LTF: variants seen among roughly 807,000 people sequenced by gnomAD.
LTF encodes lactotransferrin, also known as epididymis luminal protein 110.
In LTF, 91 loss-of-function variants were observed where a neutral mutation model predicts 87.2. The observed-to-expected ratio is 1.04, with a 90% CI of 0.88 to 1.24. The LOEUF is 1.24. Among genes scored for constraint, LTF ranks in the 50% most tolerant of loss-of-function variants. The pLI is 0.00. For missense variants in LTF, 901 were observed against 904.3 expected, an observed-to-expected ratio of 1.00 and a Z score of 0.05; for synonymous variants, 378 against 356.1, an observed-to-expected ratio of 1.06 and a Z score of -0.69.
chr3:46,449,828 C>T (rs994492378), intron 8 of LTF, 26 bp downstream of exon 8: 1 of 1,613,436 alleles, frequency 6.2e-7, no homozygotes, highest in African/African-American at 1.3e-5. Context: ...CCAGGCGGAC[C>T]TCAGGACCCT....
At chr3:46,481,998 G>A (rs1703436121) in intron 1 of LTF, among the ~76,000 whole-genome samples, 1 of 152,142 alleles carries the variant, frequency 6.6e-6, no homozygotes, top group Non-Finnish European at 1.5e-5. Flanking sequence ...GAAAAACACT[G>A]CACATGTCTC....
intron 1 of LTF, chr3:46,460,601 C>T (rs1575321933): frequency 2.2e-6 from 1 of 455,026 alleles, no homozygotes; most frequent in Non-Finnish European, 4.4e-6. Context: ...AAAAAACCTG[C>T]AATGAACATC....
At chr3:46,468,163 G>T, upstream of LTF, 1 of 456,446 alleles carries the variant, frequency 2.2e-6, no homozygotes. Context: ...GATCCTGTTT[G>T]TAATGTGTTG....
intron 1 of LTF, among the ~76,000 whole-genome samples, chr3:46,461,447 A>G (rs550368635): frequency 1.3e-5 from 2 of 152,378 alleles, no homozygotes; most frequent in African/African-American, 4.8e-5. Context: ...TCAATGGAAT[A>G]TTACTCAGCA....
chr3:46,475,604 A>C (rs983627692), intron 1 of LTF, among the ~76,000 whole-genome samples: 2 of 151,662 alleles, frequency 1.3e-5, no homozygotes, highest in African/African-American at 4.8e-5. Context: ...ATGGCCCTGC[A>C]AGGCATTACC....
chr3:46,466,573 A>G (rs1290897170), upstream of LTF, among the ~76,000 whole-genome samples: 1 of 152,204 alleles, frequency 6.6e-6, no homozygotes, highest in Non-Finnish European at 1.5e-5. Flanking sequence ...TGATCCTGCC[A>G]AGGCACAGGG....
At chr3:46,484,516 C>A (rs4683237) in intron 1 of LTF, among the ~76,000 whole-genome samples, 2,384 of 152,252 alleles carry the variant, frequency 0.016, 55 homozygotes, top group African/African-American at 0.054. Context: ...CACCCCTACC[C>A]TTGCTCCCCT....
At chr3:46,472,942 C>T (rs1402254112) in intron 1 of LTF, among the ~76,000 whole-genome samples, 3 of 152,114 alleles carry the variant, frequency 2.0e-5, no homozygotes, top group Non-Finnish European at 2.9e-5. Flanking sequence ...GGCCAGACTC[C>T]CCATGTCTCT....
chr3:46,451,740 G>A (rs538378083), intron 6 of LTF, among the ~76,000 whole-genome samples: 6 of 152,186 alleles, frequency 3.9e-5, no homozygotes, highest in East Asian at 3.9e-4. Flanking sequence ...GACCACAAGC[G>A]CACGCCACCA....
chr3:46,482,655 AGAAAGAAGGAAG>A (rs1199154118), intron 1 of LTF, among the ~76,000 whole-genome samples: 888 of 86,988 alleles, frequency 0.01, 8 homozygotes, highest in Non-Finnish European at 0.013. Context: ...AAAGAAAGAA[AGAAAGAAGGAAG>A]GAAGGAAGGA....
rs770748411 is a variant in LTF at position 46,450,644 on chromosome 3, C to T, written c.733G>A (p.Glu245Lys). ...TTGTCTGGGCAGAGTAACTCATACT[C>T]GTCCCTTTCAGCCTCGTCTGACAGG... ...EDLSDEAERD[E>K]YELLCPDNTR... Residue 245 changes from glutamate to lysine, a missense_variant, in exon 7 of 17, where the codon GAG becomes AAG. By Grantham distance (56) the Glu-to-Lys change is moderately conservative. Transcript: ENST00000231751. The T allele has an allele frequency of 9.9e-6, 16 of 1,613,308 alleles. No individual in the cohort carries two copies. The South Asian group carries it at 1.2e-4, about 12-fold the overall frequency.
chr3:46,472,529 A>AT (rs1703307111), intron 1 of LTF, among the ~76,000 whole-genome samples: 2 of 107,966 alleles, frequency 1.9e-5, no homozygotes, highest in Non-Finnish European at 3.7e-5. Context: ...TGTGTGTGTG[A>AT]GAGAGAGAGA....
At chr3:46,438,281 G>A in intron 15 of LTF, 152 bp from the exon 16 acceptor site, 1 of 680,910 alleles carries the variant, frequency 1.5e-6, no homozygotes, top group Non-Finnish European at 2.5e-6. Flanking sequence ...CCTCCTTAGT[G>A]GAGTCCCCCA....
intron 1 of LTF, among the ~76,000 whole-genome samples, chr3:46,478,664 C>A (rs915359691): frequency 1.3e-5 from 2 of 152,124 alleles, no homozygotes; most frequent in African/African-American, 4.8e-5. Context: ...GAATGAGGAA[C>A]TAGTGGGTGG....
intron 3 of LTF, 143 bp downstream of exon 3, chr3:46,456,147 T>C: frequency 2.2e-6 from 2 of 909,682 alleles, no homozygotes; most frequent in Non-Finnish European, 3.3e-6. Flanking sequence ...GGCCTTCATC[T>C]GGCCCAGAGC....
intron 4 of LTF, 36 bp downstream of exon 4, chr3:46,455,760 T>A: frequency 6.5e-7 from 1 of 1,530,732 alleles, no homozygotes. Context: ...TAGAGCCCCC[T>A]GCCTGAGGCC....
chr3:46,458,661 C>T (rs959728356), intron 2 of LTF, among the ~76,000 whole-genome samples: 2 of 152,094 alleles, frequency 1.3e-5, no homozygotes, highest in African/African-American at 4.8e-5. Context: ...TGCAACCTCC[C>T]CCTCCCGGGT....
At chr3:46,436,699 C>G (rs1342123583) in intron 16 of LTF, among the ~76,000 whole-genome samples, 1 of 152,232 alleles carries the variant, frequency 6.6e-6, no homozygotes, top group Non-Finnish European at 1.5e-5. Context: ...AGCATGTGGT[C>G]TATGCAGTCC....
chr3:46,483,798 T>G (rs1703482511), intron 1 of LTF, among the ~76,000 whole-genome samples: 2 of 152,196 alleles, frequency 1.3e-5, no homozygotes, highest in Non-Finnish European at 2.9e-5. Context: ...AAAGTTTATT[T>G]TATTTTATTT....
Sources: gnomAD v4.1 joint callset for allele counts (sites outside exome capture counted in the v4.1 genomes callset) on GRCh38, gnomAD v4.1.1 for gene constraint, MANE v1.5 for transcripts, NCBI Gene and HGNC (gene_info 2026-07-23, HGNC 2026-07-21) for gene names.